Variants in SGMS1 observed in about 807,000 individuals in gnomAD.
SGMS1 encodes sphingomyelin synthase 1.
SGMS1 carries 13 observed loss-of-function variants against 46.2 expected under a neutral mutation model. The ratio of observed to expected loss-of-function variants is 0.28; its 90% CI spans 0.18 to 0.45. SGMS1 has a LOEUF of 0.45. Among genes scored for constraint, SGMS1 ranks in the 20% least tolerant of loss-of-function variants. The probability of loss-of-function intolerance (pLI) is 1.00; values close to 1 mark genes in which losing one functional copy is unlikely to be tolerated. For synonymous variants in SGMS1, 203 were observed against 187.8 expected (o/e 1.08, Z -0.66); for missense variants, 324 against 519.9 (o/e 0.62, Z 3.66).
chr10:50,563,560 G>A (rs1467629607), intron 2 of SGMS1, among the ~76,000 whole-genome samples: 1 of 151,142 alleles, frequency 6.6e-6, no homozygotes, highest in Non-Finnish European at 1.5e-5. Flanking sequence ...CGGCTAAAAC[G>A]GTGAAACCCC....
At chr10:50,493,715 A>C (rs776210564) in intron 3 of SGMS1, among the ~76,000 whole-genome samples, 2 of 152,192 alleles carry the variant, frequency 1.3e-5, no homozygotes, top group Non-Finnish European at 2.9e-5. Context: ...GAAAAAAAAA[A>C]ACTCAACATC....
chr10:50,530,878 G>A (rs1421481894), intron 2 of SGMS1, among the ~76,000 whole-genome samples: 5 of 152,054 alleles, frequency 3.3e-5, no homozygotes, highest in Admixed American at 6.6e-5. Flanking sequence ...GTGTGCCTTA[G>A]GGAAAAGGAT....
At chr10:50,530,876 T>C (rs1837947404) in intron 2 of SGMS1, among the ~76,000 whole-genome samples, 1 of 152,166 alleles carries the variant, frequency 6.6e-6, no homozygotes, top group African/African-American at 2.4e-5. Flanking sequence ...AAGTGTGCCT[T>C]AGGGAAAAGG....
chr10:50,349,766 T>G (rs1383976154), intron 6 of SGMS1, among the ~76,000 whole-genome samples: 1 of 152,232 alleles, frequency 6.6e-6, no homozygotes, highest in African/African-American at 2.4e-5. Context: ...ATGTAAGAAG[T>G]GCCTGTCACT....
Position 50,623,749 on chromosome 10 carries a change from G to GC in SGMS1, c.-727dup, listed in dbSNP as rs971352552. ...CAGCCGCCGGAATTCCGCTCGCGGA[G>GC]CCCCCGCCGCGGAATGAAATCCGGG... On this transcript the variant is annotated 5_prime_UTR_variant, in exon 1 of 11. Coordinates refer to ENST00000361781, the MANE Select transcript of SGMS1 (RefSeq NM_147156.4). The GC allele has an allele frequency of 8.6e-5, 85 of 985,420 alleles. No homozygotes were observed. The African/African-American group carries it at 1.5e-3, about 17-fold the overall frequency. The allele number at this position is 985,420 out of a possible 1,614,324, so 61.0% of individuals were successfully genotyped here.
At chr10:50,373,392 A>T (rs1218273408) in intron 6 of SGMS1, among the ~76,000 whole-genome samples, 1 of 152,220 alleles carries the variant, frequency 6.6e-6, no homozygotes, top group Non-Finnish European at 1.5e-5. Context: ...CTGATCATGG[A>T]ATGTTCAATT....
intron 3 of SGMS1, among the ~76,000 whole-genome samples, chr10:50,487,010 A>G (rs1028300063): frequency 1.3e-5 from 2 of 152,182 alleles, no homozygotes; most frequent in Non-Finnish European, 2.9e-5. Flanking sequence ...CTTTGCAGGG[A>G]CATGGATGGA....
intron 5 of SGMS1, among the ~76,000 whole-genome samples, chr10:50,445,347 T>C (rs768304096): frequency 3.3e-5 from 5 of 152,158 alleles, no homozygotes; most frequent in Non-Finnish European, 7.3e-5. Flanking sequence ...TACCCAATAA[T>C]ATACTTCTAA....
chr10:50,424,372 C>G (rs938078014), intron 6 of SGMS1, among the ~76,000 whole-genome samples: 3 of 152,130 alleles, frequency 2.0e-5, no homozygotes, highest in African/African-American at 7.2e-5. Flanking sequence ...ATTTGAAAAT[C>G]AATGATTTAT....
intron 6 of SGMS1, among the ~76,000 whole-genome samples, chr10:50,376,178 G>A (rs562050103): frequency 2.6e-5 from 4 of 152,206 alleles, no homozygotes; most frequent in East Asian, 1.9e-4. Context: ...TGTCTTCAGA[G>A]GGGGGTATGT....
chr10:50,533,364 T>A (rs185421985), intron 2 of SGMS1, among the ~76,000 whole-genome samples: 1 of 152,306 alleles, frequency 6.6e-6, no homozygotes, highest in East Asian at 1.9e-4. Context: ...TTAAGATGAA[T>A]TTTTCTTTTT....
At chr10:50,317,830 C>A in intron 8 of SGMS1, among the ~76,000 whole-genome samples, 1 of 141,182 alleles carries the variant, frequency 7.1e-6, no homozygotes, top group East Asian at 2.2e-4. Flanking sequence ...TAGACAGTCT[C>A]ACTCTCTTGA....
At chr10:50,437,489 T>C (rs1186552737) in intron 5 of SGMS1, among the ~76,000 whole-genome samples, 1 of 152,166 alleles carries the variant, frequency 6.6e-6, no homozygotes, top group African/African-American at 2.4e-5. Context: ...CTAGCTTTAG[T>C]CTTTGTTCTT....
intron 6 of SGMS1, among the ~76,000 whole-genome samples, chr10:50,392,507 T>C (rs1848788066): frequency 6.6e-6 from 1 of 152,174 alleles, no homozygotes; most frequent in Middle Eastern, 3.2e-3. Context: ...TACTGGTGAC[T>C]AGGTTCTACT....
chr10:50,511,764 T>C (rs1342384601), intron 3 of SGMS1, among the ~76,000 whole-genome samples: 1 of 152,174 alleles, frequency 6.6e-6, no homozygotes, highest in Non-Finnish European at 1.5e-5. Flanking sequence ...AATCCATCAC[T>C]GGCTTTTGGC....
At chr10:50,444,283 T>C (rs963572167) in intron 5 of SGMS1, among the ~76,000 whole-genome samples, 2 of 152,076 alleles carry the variant, frequency 1.3e-5, no homozygotes, top group Admixed American at 1.3e-4. Context: ...TAAAAGGATA[T>C]ACCAGTAGAA....
At chr10:50,567,496 T>A (rs1366399900) in intron 2 of SGMS1, among the ~76,000 whole-genome samples, 8 of 152,188 alleles carry the variant, frequency 5.3e-5, no homozygotes, top group African/African-American at 1.9e-4. Flanking sequence ...AAAATCTGGA[T>A]TTCCATGAAA....
intron 2 of SGMS1, among the ~76,000 whole-genome samples, chr10:50,575,689 C>T (rs1480201841): frequency 1.0e-5 from 1 of 96,232 alleles, no homozygotes; most frequent in African/African-American, 3.0e-5. Flanking sequence ...GGTGGTAATA[C>T]AATACAAGTG....
intron 6 of SGMS1, among the ~76,000 whole-genome samples, chr10:50,347,352 T>C (rs191975301): frequency 2.0e-5 from 3 of 152,248 alleles, no homozygotes; most frequent in African/African-American, 4.8e-5. Context: ...GTAAAACAAT[T>C]TGGACGCGCA....
Sources: allele counts gnomAD v4.1 joint callset (sites outside exome capture counted in the v4.1 genomes callset), GRCh38; gene constraint gnomAD v4.1.1; transcripts MANE v1.5; gene names NCBI Gene and HGNC (gene_info 2026-07-23, HGNC 2026-07-21).